LRRC8E: variants seen among roughly 807,000 people sequenced by gnomAD.
The protein encoded by LRRC8E is volume-regulated anion channel subunit LRRC8E.
LRRC8E carries 6 observed loss-of-function variants against 6.1 expected under a neutral mutation model. The ratio of observed to expected loss-of-function variants is 0.98; its 90% CI spans 0.54 to 1.93. The LOEUF (loss-of-function observed/expected upper bound fraction) is 1.93. Among genes scored for constraint, LRRC8E ranks in the 30% most tolerant of loss-of-function variants. The pLI, the probability that LRRC8E is intolerant of heterozygous loss-of-function variation, is 0.01. For missense variants in LRRC8E, 1,028 were observed against 1,031.4 expected (o/e 1.00, Z 0.04); for synonymous variants, 485 against 472.8 (o/e 1.03, Z -0.33).
rs1981837836 is a variant in LRRC8E at position 7,899,662 on chromosome 19, C to T, written c.1140C>T (p.Arg380=). 6.2e-7 allele frequency: 1 copy of T among 1,613,730 alleles called. No homozygotes were observed. ...AGTACGACTCCCTCTACTCCAAGCGCTTCGCCGTCTTCCTGTCCGAGGTCA... is the reference window on the plus strand; with the variant it reads ...AGTACGACTCCCTCTACTCCAAGCGTTTCGCCGTCTTCCTGTCCGAGGTCA... ...IDQYDSLYSK[R]FAVFLSEVSE... Residue 380 remains arginine (R), a synonymous_variant, in exon 3 of 3, where the codon CGC becomes CGT. Transcript: ENST00000306708.
chr19:7,900,017 G>A lies in LRRC8E; in HGVS notation c.1495G>A (p.Val499Met), dbSNP rs778719492. 1.9e-6 allele frequency: 3 copies of A among 1,610,160 alleles called. No homozygotes were observed. The highest frequency in any genetic ancestry group is 2.5e-6 in the Non-Finnish European group (3 of 1,179,428). Residue 499 changes from valine (V) to methionine (M), a missense_variant, in exon 3 of 3, where the codon GTG (valine) becomes ATG (methionine). Coordinates refer to ENST00000306708, the MANE Select transcript of LRRC8E (RefSeq NM_025061.6). The surrounding 1 kb of genome is among the most constrained non-coding windows in gnomAD (Gnocchi z 5.0). The part of the protein sequence containing the change: ...MRVKCEELRE[V>M]PLWVFGLRGL... ...CGTCAAATGCGAGGAGCTCCGCGAGGTGCCGCTTTGGGTGTTTGGGCTGCG... is the reference window on the plus strand; with the variant it reads ...CGTCAAATGCGAGGAGCTCCGCGAGATGCCGCTTTGGGTGTTTGGGCTGCG...
chr19:7,897,248 C>T (rs1307794034), intron 2 of LRRC8E, among the ~76,000 whole-genome samples: 1 of 151,532 alleles, frequency 6.6e-6, no homozygotes. Context: ...CGGCTCACTG[C>T]AACCTCCGCC....
In LRRC8E at chr19:7,901,799, G is replaced by A. The variant is rs952815776; in HGVS notation, c.*886G>A. ...ACCCTTTGAGAAACTGATGAAGCCA[G>A]GCACCTCCTTCCTCAGGAAAATGCT... On this transcript the variant is annotated 3_prime_UTR_variant, in exon 3 of 3. Transcript: ENST00000306708. 1 of 151,988 alleles carries A rather than the reference G, an allele frequency of 6.6e-6. No homozygotes were observed. The highest frequency in any genetic ancestry group is 2.1e-4 in the South Asian group (1 of 4,822). 9.4% of individuals were successfully genotyped at this position (151,988 alleles called of 1,614,324 possible).
chr19:7,900,700 G>C lies in LRRC8E; in HGVS notation c.2178G>C (p.Thr726=). 6.2e-7 allele frequency: 1 copy of C among 1,613,410 alleles called. No individual in the cohort carries two copies. The highest frequency in any genetic ancestry group is 8.5e-7 in the Non-Finnish European group (1 of 1,180,016). The change falls in exon 3 of 3, where the codon ACG becomes ACC. Residue 726 remains threonine (T), a synonymous_variant. Transcript: ENST00000306708. This position sits in a 1 kb window ranked among gnomAD's most constrained non-coding sequence, Gnocchi z 5.0. Reference sequence around the variant, plus strand: ...TCTTCTTCTGCCGCAAGCTGCGGACGTTGCTTCTGGGCGACAACCAGCTGA... The same window carrying C: ...TCTTCTTCTGCCGCAAGCTGCGGACCTTGCTTCTGGGCGACAACCAGCTGA... ...EELFFCRKLR[T]LLLGDNQLSQ...
intron 1 of LRRC8E, among the ~76,000 whole-genome samples, chr19:7,891,418 C>CG (rs1425233087): frequency 6.6e-6 from 1 of 152,092 alleles, no homozygotes; most frequent in African/African-American, 2.4e-5. Flanking sequence ...GGCTGCCCCC[C>CG]GGTCCCCTGA....
intron 1 of LRRC8E, among the ~76,000 whole-genome samples, chr19:7,892,677 A>G (rs1366682449): frequency 6.6e-6 from 1 of 152,148 alleles, no homozygotes; most frequent in Non-Finnish European, 1.5e-5. Context: ...AATATGCATG[A>G]CCCAAAATGA....
Position 7,899,493 on chromosome 19 carries a change from G to A in LRRC8E, c.971G>A (p.Gly324Glu), listed in dbSNP as rs755935181. ...FCYISFVCIYGLTCIYTLYWL... is the reference protein window; with the variant it reads ...FCYISFVCIYELTCIYTLYWL... ...TACATCTCCTTTGTGTGCATCTACG[G>A]ACTTACCTGCATCTACACGCTCTAC... The change falls in exon 3 of 3, where the codon GGA becomes GAA. Residue 324 changes from glycine (G) to glutamate (E), a missense_variant. Gly to Glu is a moderately conservative substitution (Grantham distance 98). Transcript: ENST00000306708. 6.2e-7 allele frequency: 1 copy of A among 1,613,288 alleles called. No individual in the cohort carries two copies. Among genetic ancestry groups the A allele is most frequent in the South Asian group, 1.1e-5 (1 of 91,012 alleles).
intron 2 of LRRC8E, among the ~76,000 whole-genome samples, chr19:7,897,536 G>T (rs1274786438): frequency 1.4e-5 from 2 of 147,370 alleles, no homozygotes; most frequent in Non-Finnish European, 1.5e-5. Context: ...GGAGTGCAGT[G>T]GCGCAATAAT....
rs1031061013 is a variant in LRRC8E at position 7,895,425 on chromosome 19, G to C, written c.-5-174G>C. ...GGGCAGGTGGTGACGTCTGCATGGA[G>C]GGTGACTAAGGCCAGGCTAAGAGGG... is the stretch of plus-strand genomic sequence containing the variant. On this transcript the variant is annotated intron_variant, in intron 1 of 2. Coordinates refer to ENST00000306708, the MANE Select transcript of LRRC8E (RefSeq NM_025061.6). This position sits in a 1 kb window ranked among gnomAD's most constrained non-coding sequence, Gnocchi z 4.7. 7 of 720,458 alleles carry C rather than the reference G, an allele frequency of 9.7e-6. No homozygotes were observed. Among genetic ancestry groups the C allele is most frequent in the Admixed American group, 7.8e-5 (3 of 38,336 alleles). 44.6% of individuals were successfully genotyped at this position (720,458 alleles called of 1,614,324 possible).
chr19:7,896,724 G>C (rs1981616729), intron 2 of LRRC8E, among the ~76,000 whole-genome samples: 1 of 152,146 alleles, frequency 6.6e-6, no homozygotes, highest in South Asian at 2.1e-4. Flanking sequence ...CTCCAGAGTA[G>C]CTGGGATTAC....
At chr19:7,891,524 G>A (rs1411326092) in intron 1 of LRRC8E, among the ~76,000 whole-genome samples, 1 of 125,850 alleles carries the variant, frequency 7.9e-6, no homozygotes, top group Non-Finnish European at 1.9e-5. Flanking sequence ...TCCCTGCTCG[G>A]GTGTGTGTGT....
chr19:7,890,976 C>T (rs1981276914), intron 1 of LRRC8E, among the ~76,000 whole-genome samples: 1 of 152,084 alleles, frequency 6.6e-6, no homozygotes, highest in African/African-American at 2.4e-5. Context: ...GGATTACAGG[C>T]GTGAGCCACC....
chr19:7,892,835 CT>C (rs1486295384), intron 1 of LRRC8E, among the ~76,000 whole-genome samples: 2 of 151,942 alleles, frequency 1.3e-5, no homozygotes, highest in African/African-American at 4.8e-5. Flanking sequence ...CTTCTCTTCT[CT>C]TTTTTAGAGA....
In LRRC8E at chr19:7,901,214, A is replaced by C. The variant is rs1224145820; in HGVS notation, c.*301A>C. On this transcript the variant is annotated 3_prime_UTR_variant, in exon 3 of 3. Coordinates refer to ENST00000306708, the MANE Select transcript of LRRC8E (RefSeq NM_025061.6). ...TGGCTGGCCTTGCTCCCATCCCTAG[A>C]ACTGCTGCCTCTCCCTGGATATTCC... 3.7e-6 allele frequency: 1 copy of C among 268,432 alleles called. No individual in the cohort carries two copies. Among genetic ancestry groups the C allele is most frequent in the African/African-American group, 2.2e-5 (1 of 45,202 alleles). The allele number at this position is 268,432 out of a possible 1,614,324, so 16.6% of individuals were successfully genotyped here.
Position 7,901,038 on chromosome 19 carries a change from T to G in LRRC8E, c.*125T>G. On this transcript the variant is annotated 3_prime_UTR_variant, in exon 3 of 3. Coordinates refer to ENST00000306708, the MANE Select transcript of LRRC8E (RefSeq NM_025061.6). ...AGGAGATGGGGGGGGCGGGGGCAGC[T>G]GTGTCATCTTTCTGGGGCCCAGGAG... The G allele has an allele frequency of 4.7e-5, 29 of 619,594 alleles. No homozygotes were observed. Among genetic ancestry groups the G allele is most frequent in the Non-Finnish European group, 6.0e-5 (23 of 381,318 alleles). The allele number at this position is 619,594 out of a possible 1,614,324, so 38.4% of individuals were successfully genotyped here.
intron 2 of LRRC8E, among the ~76,000 whole-genome samples, chr19:7,898,081 G>A (rs1209274900): frequency 2.6e-5 from 4 of 151,902 alleles, no homozygotes; most frequent in Admixed American, 6.6e-5. Context: ...GTGGTAGTGC[G>A]TGCTTGTAGC....
At chr19:7,898,231 A>AAAC (rs1981706806) in intron 2 of LRRC8E, among the ~76,000 whole-genome samples, 1 of 150,846 alleles carries the variant, frequency 6.6e-6, no homozygotes, top group South Asian at 2.1e-4. Context: ...AAAAAAAAAA[A>AAAC]CAGTGCTTAG....
At position 7,900,340 on chromosome 19, in the gene LRRC8E, G is replaced by A. The variant is rs758435908; in HGVS notation, c.1818G>A (p.Ala606=). 9.3e-6 allele frequency: 15 copies of A among 1,613,194 alleles called. No homozygotes were observed. Among genetic ancestry groups the A allele is most frequent in the Non-Finnish European group, 1.2e-5 (14 of 1,179,962 alleles). ...RIPHAVFSLG[A]LQELDLKDNH... The stretch of plus-strand genomic sequence containing the variant: ...CCCATGCAGTGTTCAGCCTGGGTGC[G>A]CTGCAGGAACTTGACCTCAAGGACA... Residue 606 remains alanine (A), a synonymous_variant, in exon 3 of 3, where the codon GCG becomes GCA. Coordinates refer to ENST00000306708, the MANE Select transcript of LRRC8E (RefSeq NM_025061.6). The surrounding 1 kb of genome is among the most constrained non-coding windows in gnomAD (Gnocchi z 5.0).
Position 7,895,293 on chromosome 19 carries a change from G to A in LRRC8E, c.-5-306G>A. 1 of 285,738 alleles carries A rather than the reference G, an allele frequency of 3.5e-6. No homozygotes were observed. The highest frequency in any genetic ancestry group is 6.0e-5 in the East Asian group (1 of 16,546). The allele number at this position is 285,738 out of a possible 1,614,324, so 17.7% of individuals were successfully genotyped here. A position where few individuals can be genotyped will look rare whatever the true frequency, so the allele number is the denominator to read the frequency against. On this transcript the variant is annotated intron_variant, in intron 1 of 2. Coordinates refer to ENST00000306708, the MANE Select transcript of LRRC8E (RefSeq NM_025061.6). This position sits in a 1 kb window ranked among gnomAD's most constrained non-coding sequence, Gnocchi z 4.7. Reference sequence around the variant, plus strand: ...TTTGGGGAGGGGGCCACCCGAGGAGGCTGGAGGGCGGCGGCCCTGTGGACT... The same window carrying A: ...TTTGGGGAGGGGGCCACCCGAGGAGACTGGAGGGCGGCGGCCCTGTGGACT...
Sources: allele counts gnomAD v4.1 joint callset (sites outside exome capture counted in the v4.1 genomes callset), GRCh38; gene constraint gnomAD v4.1.1; non-coding constraint Gnocchi (gnomAD v3.1); transcripts MANE v1.5; gene names NCBI Gene and HGNC (gene_info 2026-07-23, HGNC 2026-07-21).